Variants in XKR6 observed in about 807,000 individuals in gnomAD.
XKR6 encodes the protein XK-related protein 6.
Under a neutral mutation model 56.7 loss-of-function variants are expected in XKR6, and 22 were observed. The observed-to-expected ratio is 0.39, with a 90% confidence interval of 0.28 to 0.55. XKR6 has a LOEUF of 0.55. Ranked by LOEUF, XKR6 falls within the 20% of genes least tolerant of loss-of-function variation. The pLI, the probability that XKR6 is intolerant of heterozygous loss-of-function variation, is 0.66. For missense variants in XKR6, 852 were observed against 889.0 expected (o/e 0.96, Z 0.53); for synonymous variants, 524 against 387.8 (o/e 1.35, Z -4.13).
At chr8:11,043,158 T>G (rs545413206) in intron 1 of XKR6, among the ~76,000 whole-genome samples, 1 of 151,900 alleles carries the variant, frequency 6.6e-6, no homozygotes, top group Admixed American at 6.6e-5. Flanking sequence ...CTATACAATA[T>G]AAAATATTAA....
rs1275487445 is a variant in XKR6 at position 11,129,321 on chromosome 8, T to C, written c.764+71255A>G. Among the ~76,000 whole-genome samples the C allele has an allele frequency of 2.6e-5, 4 of 152,208 alleles. No individual in the cohort carries two copies. The South Asian group carries it at 6.2e-4, about 24-fold the overall frequency. Reference sequence around the variant, plus strand: ...ACCTAATACCCCTGATGTAAAAAGCTAAAAGTTTTATCACTGCAGTTGTAT... The same window carrying C: ...ACCTAATACCCCTGATGTAAAAAGCCAAAAGTTTTATCACTGCAGTTGTAT... On this transcript the variant is annotated intron_variant, in intron 1 of 2. Coordinates refer to ENST00000416569, the MANE Select transcript of XKR6 (RefSeq NM_173683.4).
intron 1 of XKR6, among the ~76,000 whole-genome samples, chr8:11,174,073 C>G (rs1017887796): frequency 1.3e-5 from 2 of 152,184 alleles, no homozygotes; most frequent in East Asian, 3.8e-4. Flanking sequence ...AAAAATAAAA[C>G]CACCACTGAT....
intron 1 of XKR6, among the ~76,000 whole-genome samples, chr8:11,153,846 T>C (rs965568594): frequency 6.6e-6 from 1 of 152,176 alleles, no homozygotes; most frequent in Non-Finnish European, 1.5e-5. Flanking sequence ...GCTCCTTTCC[T>C]CCCAAATATT....
At chr8:11,140,553 T>C (rs1427382069) in intron 1 of XKR6, among the ~76,000 whole-genome samples, 1 of 152,110 alleles carries the variant, frequency 6.6e-6, no homozygotes, top group Non-Finnish European at 1.5e-5. Context: ...GACCTTCAAG[T>C]ATCAAGGGGA....
chr8:11,162,394 A>T (rs1801856937), intron 1 of XKR6, among the ~76,000 whole-genome samples: 1 of 152,214 alleles, frequency 6.6e-6, no homozygotes, highest in Admixed American at 6.5e-5. Flanking sequence ...AAATGGTGAT[A>T]TCAGATTCAC....
chr8:10,962,332 A>T (rs1802088593), intron 1 of XKR6, among the ~76,000 whole-genome samples: 1 of 152,162 alleles, frequency 6.6e-6, no homozygotes, highest in South Asian at 2.1e-4. Flanking sequence ...CACATTTCTG[A>T]AGCCCCTGAC....
intron 1 of XKR6, among the ~76,000 whole-genome samples, chr8:11,158,372 C>G (rs1801630981): frequency 6.6e-6 from 1 of 152,176 alleles, no homozygotes; most frequent in African/African-American, 2.4e-5. Flanking sequence ...ACAGCATCCA[C>G]AAAGACTACA....
chr8:11,072,188 T>C, intron 1 of XKR6, among the ~76,000 whole-genome samples: 1 of 151,834 alleles, frequency 6.6e-6, no homozygotes, highest in Non-Finnish European at 1.5e-5. Context: ...CCACCCCCTC[T>C]CTGTTTTGAT....
intron 1 of XKR6, among the ~76,000 whole-genome samples, chr8:10,970,341 C>T (rs1802368410): frequency 6.6e-6 from 1 of 152,192 alleles, no homozygotes; most frequent in Admixed American, 6.5e-5. Context: ...CCAATGAGGG[C>T]ACTGGACCAA....
chr8:10,983,036 T>G lies in XKR6; in HGVS notation c.765-58206A>C, dbSNP rs1797770284. Among the ~76,000 whole-genome samples, 3 of 152,252 alleles carry G rather than the reference T, an allele frequency of 2.0e-5. No homozygotes were observed. In the South Asian group the frequency reaches 6.2e-4, roughly 32 times the overall value. ...AACTTACAGGGTTGTAAGCATCAGA[T>G]GAAAGAATATATGAAAACATCTTGC... On this transcript the variant is annotated intron_variant, in intron 1 of 2. Coordinates refer to ENST00000416569, the MANE Select transcript of XKR6 (RefSeq NM_173683.4).
Position 11,152,270 on chromosome 8 carries a change from T to C in XKR6, c.764+48306A>G, listed in dbSNP as rs377746755. ...CTTCTCTGAAGTATTTAAGGGCTCT[T>C]TGCTTCTCTACAGTTGCCCTTCCTG... is the stretch of plus-strand genomic sequence containing the variant. On this transcript the variant is annotated intron_variant, in intron 1 of 2. Coordinates refer to ENST00000416569, the MANE Select transcript of XKR6 (RefSeq NM_173683.4). Among the ~76,000 whole-genome samples, 10 of 152,290 alleles carry C rather than the reference T, an allele frequency of 6.6e-5. No individual in the cohort carries two copies. In the South Asian group the frequency reaches 1.9e-3, roughly 28 times the overall value.
intron 1 of XKR6, among the ~76,000 whole-genome samples, chr8:11,141,783 C>G (rs1418872803): frequency 6.6e-6 from 1 of 152,114 alleles, no homozygotes; most frequent in Non-Finnish European, 1.5e-5. Context: ...AAAAGGATGA[C>G]AACTGAGAGG....
intron 2 of XKR6, among the ~76,000 whole-genome samples, chr8:10,914,878 T>C (rs1475494396): frequency 6.6e-6 from 1 of 152,218 alleles, no homozygotes; most frequent in Non-Finnish European, 1.5e-5. Flanking sequence ...CCTCAGACAC[T>C]GGGAGCCCTC....
At chr8:11,164,530 CTTGTT>C (rs1801973968) in intron 1 of XKR6, among the ~76,000 whole-genome samples, 1 of 152,190 alleles carries the variant, frequency 6.6e-6, no homozygotes, top group African/African-American at 2.4e-5. Flanking sequence ...TCAAGAGGTT[CTTGTT>C]TTAAGTCCCT....
intron 1 of XKR6, among the ~76,000 whole-genome samples, chr8:11,182,027 C>A (rs983692944): frequency 6.6e-6 from 1 of 152,204 alleles, no homozygotes; most frequent in Non-Finnish European, 1.5e-5. Flanking sequence ...TCAAGCGATC[C>A]GCTCGCTTCC....
intron 1 of XKR6, among the ~76,000 whole-genome samples, chr8:10,931,404 T>A (rs1054162398): frequency 1.3e-5 from 2 of 152,176 alleles, no homozygotes; most frequent in African/African-American, 4.8e-5. Context: ...AAGTGGAATT[T>A]TTTTTTAAAT....
chr8:11,159,495 T>C (rs1210079271), intron 1 of XKR6, among the ~76,000 whole-genome samples: 2 of 152,250 alleles, frequency 1.3e-5, no homozygotes, highest in African/African-American at 4.8e-5. Context: ...TGCTTCTGTA[T>C]GGCCATCAGC....
At chr8:10,985,490 C>G (rs544070749) in intron 1 of XKR6, among the ~76,000 whole-genome samples, 1 of 151,790 alleles carries the variant, frequency 6.6e-6, no homozygotes, top group African/African-American at 2.4e-5. Flanking sequence ...AATTCTAAAG[C>G]TTGTTCCCTT....
intron 1 of XKR6, chr8:11,035,378 C>A: frequency 1.9e-6 from 1 of 529,390 alleles, no homozygotes. Context: ...GAATGGGGCT[C>A]TTTGCACTTC....
Sources: gnomAD v4.1 joint callset for allele counts (sites outside exome capture counted in the v4.1 genomes callset) on GRCh38, gnomAD v4.1.1 for gene constraint, MANE v1.5 for transcripts, NCBI Gene and HGNC (gene_info 2026-07-23, HGNC 2026-07-21) for gene names.